Variants in PLXDC1 observed in about 807,000 individuals in gnomAD.
PLXDC1 encodes the protein plexin domain-containing protein 1.
Under a neutral mutation model 61.3 loss-of-function variants are expected in PLXDC1, and 39 were observed. That is an observed-to-expected ratio of 0.64 (90% CI 0.49 to 0.83). The LOEUF is 0.83. Among genes scored for constraint, PLXDC1 ranks in the 40% least tolerant of loss-of-function variants. The pLI, the probability that PLXDC1 is intolerant of heterozygous loss-of-function variation, is 0.00. For missense variants in PLXDC1, 596 were observed against 666.5 expected (o/e 0.89, Z 1.17); for synonymous variants, 212 against 254.5 (o/e 0.83, Z 1.59).
At position 39,151,568 on chromosome 17, in the gene PLXDC1, C is replaced by T. The variant is rs1024525454; in HGVS notation, c.-131G>A. On this transcript the variant is annotated 5_prime_UTR_variant, in exon 1 of 14. Coordinates refer to ENST00000315392, the MANE Select transcript of PLXDC1 (RefSeq NM_020405.5). The surrounding 1 kb of genome is among the most constrained non-coding windows in gnomAD (Gnocchi z 5.2). ...GGCGGGCGGCGAGGAGACGGCGGAGCGCGGGGCCGGGCGAGCCGGCAGGAG... is the reference window on the plus strand; with the variant it reads ...GGCGGGCGGCGAGGAGACGGCGGAGTGCGGGGCCGGGCGAGCCGGCAGGAG... 27 of 1,189,644 alleles carry T rather than the reference C, an allele frequency of 2.3e-5. No homozygotes were observed. The highest frequency in any genetic ancestry group is 4.5e-5 in the Admixed American group (1 of 22,178). The allele number at this position is 1,189,644 out of a possible 1,614,324, so 73.7% of individuals were successfully genotyped here.
intron 7 of PLXDC1, among the ~76,000 whole-genome samples, chr17:39,092,729 TAAAA>T (rs71141757): frequency 0.33 from 50,266 of 151,900 alleles, 8,794 homozygotes; most frequent in Admixed American, 0.44. Context: ...GCTAGACTTT[TAAAA>T]AACCTCAGGG....
intron 7 of PLXDC1, chr17:39,096,977 C>A (rs775226100): frequency 1.3e-5 from 6 of 471,170 alleles, no homozygotes; most frequent in South Asian, 6.2e-5. Flanking sequence ...GAAAAGCCTG[C>A]GGAAGAGTTT....
At chr17:39,110,832 T>C (rs885678) in intron 2 of PLXDC1, among the ~76,000 whole-genome samples, 140,188 of 152,266 alleles carry the variant, frequency 0.92, 64,821 homozygotes, top group African/African-American at 0.96. Context: ...GACCTGGGGT[T>C]GGGGCAGGCT....
At position 39,097,033 on chromosome 17, in the gene PLXDC1, C is replaced by G. The variant is rs1165120814; in HGVS notation, c.811+8821G>C. 8 of 471,050 alleles carry G rather than the reference C, an allele frequency of 1.7e-5. No individual in the cohort carries two copies. In the East Asian group the frequency reaches 4.9e-4, roughly 29 times the overall value. 29.2% of individuals were successfully genotyped at this position (471,050 alleles called of 1,614,324 possible). Reference sequence around the variant, plus strand: ...GAACTCTTGTGGTTTTCAGCCTCTTCTACCCTCTCCCCCAGGAGTGAGGCT... The same window carrying G: ...GAACTCTTGTGGTTTTCAGCCTCTTGTACCCTCTCCCCCAGGAGTGAGGCT... On this transcript the variant is annotated intron_variant, in intron 7 of 13. Coordinates refer to ENST00000315392, the MANE Select transcript of PLXDC1 (RefSeq NM_020405.5).
At chr17:39,146,389 G>A (rs2045342517) in intron 1 of PLXDC1, among the ~76,000 whole-genome samples, 1 of 149,786 alleles carries the variant, frequency 6.7e-6, no homozygotes, top group African/African-American at 2.4e-5. Context: ...TTTAAGAATT[G>A]TTTAAGGCCA....
chr17:39,126,874 CACA>C (rs1597655039), intron 2 of PLXDC1: 1 of 152,262 alleles, frequency 6.6e-6, no homozygotes, highest in East Asian at 1.9e-4. Flanking sequence ...CAACGGTGAC[CACA>C]ACGATGTCAT....
intron 10 of PLXDC1, among the ~76,000 whole-genome samples, chr17:39,078,286 G>T (rs1169432381): frequency 6.6e-6 from 1 of 152,142 alleles, no homozygotes. Context: ...CTAATAAATA[G>T]ACTGTGGTAA....
upstream of PLXDC1, among the ~76,000 whole-genome samples, chr17:39,151,903 C>T (rs1041528396): frequency 6.6e-6 from 1 of 152,182 alleles, no homozygotes; most frequent in South Asian, 2.1e-4. The surrounding 1 kb of genome is among the most constrained non-coding windows in gnomAD (Gnocchi z 5.2). Context: ...TTTCCCTCCT[C>T]CGTTCCGCCG....
chr17:39,086,859 C>CAAAAAAAAAAAAAAAAAAA (rs765774886), intron 8 of PLXDC1, among the ~76,000 whole-genome samples: 3 of 71,498 alleles, frequency 4.2e-5, no homozygotes, highest in East Asian at 4.8e-4. Flanking sequence ...GAGACTGTCT[C>CAAAAAAAAAAAAAAAAAAA]AAAAAAAAAA....
intron 7 of PLXDC1, among the ~76,000 whole-genome samples, chr17:39,089,971 G>T (rs2143498835): frequency 6.6e-6 from 1 of 152,084 alleles, no homozygotes; most frequent in East Asian, 1.9e-4. Context: ...CTAATATTTT[G>T]TATTTTTGGT....
rs537760438 is a variant in PLXDC1 at position 39,079,575 on chromosome 17, T to C, written c.990-411A>G. ...GGGCTAAAGGTAGGCCTCAGCAGAC[T>C]TAGTCAACACCTCCCCATGTGATCA... On this transcript the variant is annotated intron_variant, in intron 9 of 13. Coordinates refer to ENST00000315392, the MANE Select transcript of PLXDC1 (RefSeq NM_020405.5). The C allele has an allele frequency of 1.0e-4, 47 of 456,920 alleles. No homozygotes were observed. In the Middle Eastern group the frequency reaches 1.9e-3, roughly 19 times the overall value. The allele number at this position is 456,920 out of a possible 1,614,324, so 28.3% of individuals were successfully genotyped here.
At chr17:39,080,709 C>G (rs1422143058) in intron 9 of PLXDC1, 2 of 152,136 alleles carry the variant, frequency 1.3e-5, no homozygotes, top group Non-Finnish European at 2.9e-5. Flanking sequence ...CATGGGGCGC[C>G]TGGGGATGGG....
intron 2 of PLXDC1, among the ~76,000 whole-genome samples, chr17:39,132,418 T>C (rs1313161517): frequency 6.6e-6 from 1 of 152,044 alleles, no homozygotes; most frequent in Non-Finnish European, 1.5e-5. Context: ...GGCCTCAGAA[T>C]TGGTCTTGGT....
chr17:39,096,037 G>A (rs765604769), intron 7 of PLXDC1, among the ~76,000 whole-genome samples: 5 of 152,224 alleles, frequency 3.3e-5, no homozygotes, highest in Non-Finnish European at 7.3e-5. Flanking sequence ...GATGCCCATG[G>A]GAGAGTGCTG....
At chr17:39,086,466 AAGGAAG>A (rs1484705394) in intron 8 of PLXDC1, among the ~76,000 whole-genome samples, 1 of 152,110 alleles carries the variant, frequency 6.6e-6, no homozygotes, top group Non-Finnish European at 1.5e-5. Flanking sequence ...CAGGACCTCC[AAGGAAG>A]AGGAAGCAGG....
chr17:39,107,125 G>A (rs1213427406), intron 6 of PLXDC1, among the ~76,000 whole-genome samples: 1 of 152,136 alleles, frequency 6.6e-6, no homozygotes, highest in African/African-American at 2.4e-5. Context: ...GCCTCCCCTG[G>A]CCTCTGCCAA....
At chr17:39,150,943 C>T (rs1017349225) in intron 1 of PLXDC1, among the ~76,000 whole-genome samples, 22 of 152,236 alleles carry the variant, frequency 1.4e-4, no homozygotes, top group Middle Eastern at 6.8e-3. Flanking sequence ...GCTTTGGGGT[C>T]GGGGGTGTGG....
chr17:39,123,171 T>G (rs886515910), intron 2 of PLXDC1, among the ~76,000 whole-genome samples: 19 of 152,202 alleles, frequency 1.2e-4, no homozygotes, highest in Non-Finnish European at 2.8e-4. Context: ...GTCAGTTCCC[T>G]CATCAGTGAC....
intron 2 of PLXDC1, among the ~76,000 whole-genome samples, chr17:39,135,172 T>A (rs573281011): frequency 6.6e-6 from 1 of 152,354 alleles, no homozygotes; most frequent in South Asian, 2.1e-4. Context: ...AGATAAGTTA[T>A]CCCTTAAAGC....
Sources: gnomAD v4.1 joint callset for allele counts (sites outside exome capture counted in the v4.1 genomes callset) on GRCh38, gnomAD v4.1.1 for gene constraint, Gnocchi (gnomAD v3.1) non-coding constraint, MANE v1.5 for transcripts, NCBI Gene and HGNC (gene_info 2026-07-23, HGNC 2026-07-21) for gene names.